The following OVCH1 variants were observed in gnomAD, a reference collection of about 807,000 sequenced individuals.
The protein encoded by OVCH1 is ovochymase-1.
Under a neutral mutation model 138.4 loss-of-function variants are expected in OVCH1, and 139 were observed. The observed-to-expected ratio is 1.00, with a 90% confidence interval of 0.87 to 1.16. The LOEUF (loss-of-function observed/expected upper bound fraction) is 1.16, where lower values mean the gene tolerates loss of function less well. Among genes scored for constraint, OVCH1 ranks in the 50% most tolerant of loss-of-function variants. OVCH1 has a pLI of 0.00. For missense variants in OVCH1, 1,367 were observed against 1,357.9 expected (o/e 1.01, Z -0.11); for synonymous variants, 453 against 467.8 (o/e 0.97, Z 0.41).
intron 22 of OVCH1, among the ~76,000 whole-genome samples, chr12:29,446,009 T>A (rs755305243): frequency 6.6e-6 from 1 of 152,152 alleles, no homozygotes; most frequent in Non-Finnish European, 1.5e-5. Flanking sequence ...GAGAGATACC[T>A]GCTGATTGTA....
chr12:29,477,887 C>G (rs542950088), intron 9 of OVCH1, among the ~76,000 whole-genome samples: 3 of 152,294 alleles, frequency 2.0e-5, no homozygotes, highest in Admixed American at 2.0e-4. Flanking sequence ...AAAAAACGTC[C>G]AGTACCTGCT....
chr12:29,469,358 T>C (rs1355404600), intron 16 of OVCH1, among the ~76,000 whole-genome samples: 1 of 151,864 alleles, frequency 6.6e-6, no homozygotes, highest in Non-Finnish European at 1.5e-5. Context: ...CTGAGGGACA[T>C]AGGGATGTTC....
chr12:29,492,901 A>G (rs1486171382), intron 4 of OVCH1, among the ~76,000 whole-genome samples: 1 of 152,164 alleles, frequency 6.6e-6, no homozygotes, highest in Non-Finnish European at 1.5e-5. Context: ...CCCGGAATTC[A>G]AGTGAAGAAA....
In OVCH1 at chr12:29,462,025, C is replaced by A; in HGVS notation, c.2126-17G>T. 6.2e-7 allele frequency: 1 copy of A among 1,607,176 alleles called. No individual in the cohort carries two copies. The highest frequency in any genetic ancestry group is 1.1e-5 in the South Asian group (1 of 90,858). ...GGCCACCATCTAATGAAGAAACATT[C>A]AGAGAGAGCTCGATGATGAAGTAAG... On this transcript the variant is annotated splice_polypyrimidine_tract_variant and intron_variant, in intron 18 of 27. Transcript: ENST00000318184.
At chr12:29,443,556 G>T in intron 24 of OVCH1, 56 bp from the exon 25 acceptor site, 1 of 1,450,504 alleles carries the variant, frequency 6.9e-7, no homozygotes, top group Non-Finnish European at 9.2e-7. Flanking sequence ...TATATTGTTA[G>T]TTATTTTGCT....
At chr12:29,409,611 A>T (rs1189979088), downstream of OVCH1, among the ~76,000 whole-genome samples, 1 of 151,758 alleles carries the variant, frequency 6.6e-6, no homozygotes, top group Non-Finnish European at 1.5e-5. Flanking sequence ...TCTGTAGTTG[A>T]GTGGTTTTGA....
chr12:29,455,177 C>G lies in OVCH1; in HGVS notation c.2437+72G>C, dbSNP rs138338445. The G allele has an allele frequency of 3.5e-4, 527 of 1,496,726 alleles. 3 individuals carry two copies. In the African/African-American group the frequency reaches 6.4e-3, roughly 18 times the overall value. 92.7% of individuals were successfully genotyped at this position (1,496,726 alleles called of 1,614,324 possible). On this transcript the variant is annotated intron_variant, in intron 20 of 27. Coordinates refer to ENST00000318184, the Ensembl canonical transcript of OVCH1. Reference sequence around the variant, plus strand: ...GTTTTCTCTTTCATGCTAATTTATACCACACTCACTGTTCCCAAACCCACT... The same window carrying G: ...GTTTTCTCTTTCATGCTAATTTATAGCACACTCACTGTTCCCAAACCCACT...
chr12:29,495,572 G>T, intron 3 of OVCH1, 115 bp from the exon 4 acceptor site: 1 of 942,872 alleles, frequency 1.1e-6, no homozygotes, highest in Non-Finnish European at 1.5e-6. Flanking sequence ...CTGAGTCTTT[G>T]AAGAAGGTTT....
At chr12:29,431,367 G>A (rs1329811111) in intron 27 of OVCH1, among the ~76,000 whole-genome samples, 1 of 152,086 alleles carries the variant, frequency 6.6e-6, no homozygotes, top group African/African-American at 2.4e-5. Context: ...GAGCCTGGGA[G>A]GTTGAAGCTG....
At chr12:29,491,274 C>T (rs1943266147) in intron 4 of OVCH1, 82 bp from the exon 5 acceptor site, 1 of 1,180,070 alleles carries the variant, frequency 8.5e-7, no homozygotes, top group Non-Finnish European at 1.2e-6. Flanking sequence ...CTCTTGATTT[C>T]ATGGCTTCTA....
At chr12:29,477,198 T>C in exon 12 of OVCH1, 1 of 1,613,888 alleles carries the variant, frequency 6.2e-7, no homozygotes, top group Non-Finnish European at 8.5e-7. Context: ...TTGTCCCTTC[T>C]TCTACCAATA....
At chr12:29,485,140 G>A (rs1943052021) in intron 8 of OVCH1, among the ~76,000 whole-genome samples, 2 of 151,948 alleles carry the variant, frequency 1.3e-5, no homozygotes, top group African/African-American at 4.8e-5. Context: ...AGAAGCTGAG[G>A]CGGTTGCATC....
chr12:29,437,992 T>G (rs886392974), intron 26 of OVCH1, among the ~76,000 whole-genome samples: 3 of 152,192 alleles, frequency 2.0e-5, no homozygotes, highest in African/African-American at 7.2e-5. Flanking sequence ...TTCAGACTTT[T>G]CTCAGCATAG....
At chr12:29,461,215 C>T (rs1009983042) in intron 19 of OVCH1, among the ~76,000 whole-genome samples, 4 of 152,198 alleles carry the variant, frequency 2.6e-5, no homozygotes, top group African/African-American at 9.6e-5. Context: ...AGCCCCACAT[C>T]CAAACCAGGG....
chr12:29,493,190 T>G (rs1943318661), intron 4 of OVCH1, among the ~76,000 whole-genome samples: 1 of 152,076 alleles, frequency 6.6e-6, no homozygotes, highest in South Asian at 2.1e-4. Flanking sequence ...AATGGGGCAA[T>G]AGTTTCCTCT....
intron 7 of OVCH1, 39 bp from the exon 8 acceptor site, chr12:29,486,387 T>A: frequency 1.4e-6 from 2 of 1,420,630 alleles, no homozygotes; most frequent in Non-Finnish European, 2.0e-6. Flanking sequence ...TTCCCAATAA[T>A]AATCATTTAA....
chr12:29,446,764 C>G (rs745808632), intron 22 of OVCH1, among the ~76,000 whole-genome samples: 3 of 151,448 alleles, frequency 2.0e-5, no homozygotes, highest in Non-Finnish European at 2.9e-5. Context: ...TTAAAGGAAG[C>G]AGGTATAGAG....
At chr12:29,457,497 G>C (rs1276383201) in intron 19 of OVCH1, among the ~76,000 whole-genome samples, 1 of 133,040 alleles carries the variant, frequency 7.5e-6, no homozygotes, top group Admixed American at 9.0e-5. Context: ...CCCGCCTCCT[G>C]GTTTCAAGCG....
At chr12:29,495,656 C>T (rs893777310) in intron 3 of OVCH1, among the ~76,000 whole-genome samples, 199 bp from the exon 4 acceptor site, 6 of 152,002 alleles carry the variant, frequency 3.9e-5, no homozygotes, top group African/African-American at 1.5e-4. Flanking sequence ...AGTCATGTTT[C>T]CATTTTTCTG....
Sources: gnomAD v4.1 joint callset for allele counts (sites outside exome capture counted in the v4.1 genomes callset) on GRCh38, gnomAD v4.1.1 for gene constraint, MANE v1.5 for transcripts, NCBI Gene and HGNC (gene_info 2026-07-23, HGNC 2026-07-21) for gene names.